AGBL4: variants seen among roughly 807,000 people sequenced by gnomAD.
AGBL4 encodes the protein cytosolic carboxypeptidase 6.
A neutral mutation model predicts 66.4 loss-of-function variants in AGBL4; 58 were observed. The observed-to-expected ratio is 0.87, with a 90% CI of 0.71 to 1.09. The LOEUF is 1.09. Among genes scored for constraint, AGBL4 ranks in the 50% least tolerant of loss-of-function variants. The probability of loss-of-function intolerance (pLI) is 0.00; values close to 1 mark genes in which losing one functional copy is unlikely to be tolerated. For synonymous variants in AGBL4, 234 were observed against 222.9 expected (o/e 1.05, Z -0.44); for missense variants, 579 against 631.0 (o/e 0.92, Z 0.88).
intron 3 of AGBL4, among the ~76,000 whole-genome samples, chr1:49,536,174 A>T (rs1414310518): frequency 6.6e-6 from 1 of 152,232 alleles, no homozygotes; most frequent in Non-Finnish European, 1.5e-5. Flanking sequence ...TTGAAAACAA[A>T]ATACCAACAG....
At chr1:49,336,407 A>G (rs1041343648) in intron 3 of AGBL4, among the ~76,000 whole-genome samples, 2 of 152,236 alleles carry the variant, frequency 1.3e-5, no homozygotes, top group African/African-American at 4.8e-5. Flanking sequence ...TACTAAGTCT[A>G]CGATTCAAAT....
At chr1:49,468,541 C>G (rs1395006467) in intron 3 of AGBL4, among the ~76,000 whole-genome samples, 1 of 151,806 alleles carries the variant, frequency 6.6e-6, no homozygotes, top group East Asian at 1.9e-4. Context: ...GTCAGTCCAG[C>G]TCTTATGGAT....
intron 3 of AGBL4, among the ~76,000 whole-genome samples, chr1:49,349,943 C>G (rs1645715547): frequency 6.6e-6 from 1 of 152,138 alleles, no homozygotes; most frequent in Non-Finnish European, 1.5e-5. Context: ...AGGGAGGAGG[C>G]CTCAGAAAAT....
intron 11 of AGBL4, among the ~76,000 whole-genome samples, chr1:48,564,849 G>T (rs934118413): frequency 3.9e-5 from 6 of 152,154 alleles, no homozygotes; most frequent in Non-Finnish European, 8.8e-5. Context: ...TGGGCCACCA[G>T]TTGATGACTG....
At chr1:48,743,131 G>A (rs1002508578) in intron 6 of AGBL4, among the ~76,000 whole-genome samples, 1 of 152,196 alleles carries the variant, frequency 6.6e-6, no homozygotes, top group Non-Finnish European at 1.5e-5. Flanking sequence ...TATGCAAATC[G>A]TGTATTTGCC....
chr1:49,555,854 G>C (rs924534185), intron 3 of AGBL4, among the ~76,000 whole-genome samples: 15 of 152,184 alleles, frequency 9.9e-5, no homozygotes, highest in African/African-American at 2.4e-4. Flanking sequence ...AGTTAGAATG[G>C]ACATCATTAA....
intron 5 of AGBL4, among the ~76,000 whole-genome samples, chr1:48,916,785 C>T (rs1379610178): frequency 3.9e-5 from 6 of 152,004 alleles, no homozygotes; most frequent in African/African-American, 1.2e-4. Context: ...GGGAAGGGGT[C>T]GTTTTTCTTT....
intron 3 of AGBL4, among the ~76,000 whole-genome samples, chr1:49,445,871 A>C (rs1216975627): frequency 6.6e-6 from 1 of 151,860 alleles, no homozygotes; most frequent in African/African-American, 2.4e-5. Context: ...TATTGTTTTG[A>C]GATAGAGTCT....
chr1:48,881,493 T>C (rs1649777134), intron 5 of AGBL4, among the ~76,000 whole-genome samples: 2 of 152,188 alleles, frequency 1.3e-5, no homozygotes, highest in Admixed American at 1.3e-4. Flanking sequence ...TCACCAACTT[T>C]AGTAGCACTG....
At chr1:49,068,105 C>A (rs1644525611) in intron 4 of AGBL4, among the ~76,000 whole-genome samples, 1 of 152,118 alleles carries the variant, frequency 6.6e-6, no homozygotes, top group African/African-American at 2.4e-5. Flanking sequence ...CGTTTGTAGG[C>A]AGGGCGCTCA....
intron 3 of AGBL4, among the ~76,000 whole-genome samples, chr1:49,540,744 A>G (rs1651946891): frequency 6.6e-6 from 1 of 152,214 alleles, no homozygotes; most frequent in African/African-American, 2.4e-5. Context: ...AATCATAATG[A>G]ATCATTTTAA....
At chr1:49,003,267 A>G (rs3121516) in intron 5 of AGBL4, among the ~76,000 whole-genome samples, 84,833 of 151,770 alleles carry the variant, frequency 0.56, 24,229 homozygotes, top group Non-Finnish European at 0.61. Context: ...GCGTGGTGGC[A>G]CATGCCTGTA....
At position 48,765,962 on chromosome 1, in the gene AGBL4, T is replaced by G. The variant is rs546101025; in HGVS notation, c.634+101229A>C. 2.6e-5 allele frequency among the ~76,000 whole-genome samples: 4 copies of G among 152,314 alleles called. No individual in the cohort carries two copies. The South Asian group carries it at 8.3e-4, about 32-fold the overall frequency. Reference sequence around the variant, plus strand: ...ATGGGTAACACGGATTTATTTTCTTTTTGGGTGATAAAAACGTTCCGGAAT... The same window carrying G: ...ATGGGTAACACGGATTTATTTTCTTGTTGGGTGATAAAAACGTTCCGGAAT... On this transcript the variant is annotated intron_variant, in intron 6 of 13. Coordinates refer to ENST00000371839, the MANE Select transcript of AGBL4 (RefSeq NM_032785.4).
intron 11 of AGBL4, among the ~76,000 whole-genome samples, chr1:48,549,349 C>CCTTCT (rs1644215174): frequency 1.3e-5 from 2 of 152,252 alleles, no homozygotes. Context: ...ACAGGTGAAT[C>CCTTCT]CTTCTCTGAA....
In AGBL4 at chr1:49,059,782, T is replaced by C. The variant is rs942032630; in HGVS notation, c.378-13982A>G. Among the ~76,000 whole-genome samples, 5 of 152,222 alleles carry C rather than the reference T, an allele frequency of 3.3e-5. No individual in the cohort carries two copies. In the South Asian group the frequency reaches 1.0e-3, roughly 32 times the overall value. Reference sequence around the variant, plus strand: ...GACATGGAGTCAAAGGAGATCATTTTGGAACTTTAACATTCAGTGACGACC... The same window carrying C: ...GACATGGAGTCAAAGGAGATCATTTCGGAACTTTAACATTCAGTGACGACC... On this transcript the variant is annotated intron_variant, in intron 4 of 13. Transcript: ENST00000371839.
intron 4 of AGBL4, among the ~76,000 whole-genome samples, chr1:49,103,191 G>A (rs1645234263): frequency 6.6e-6 from 1 of 152,120 alleles, no homozygotes; most frequent in Non-Finnish European, 1.5e-5. Context: ...GAGAATTTGG[G>A]ATTAGAGTCT....
intron 3 of AGBL4, among the ~76,000 whole-genome samples, chr1:49,442,468 AATTTTCTTT>A (rs1338686907): frequency 6.6e-6 from 1 of 152,144 alleles, no homozygotes; most frequent in Non-Finnish European, 1.5e-5. Context: ...CCCTGTGATC[AATTTTCTTT>A]TAGCTTCCAC....
At chr1:48,640,266 C>T (rs1049941509) in intron 8 of AGBL4, among the ~76,000 whole-genome samples, 13 of 152,134 alleles carry the variant, frequency 8.5e-5, no homozygotes, top group African/African-American at 2.9e-4. Context: ...GTTGGAGATA[C>T]TCTTAAGTAT....
intron 2 of AGBL4, among the ~76,000 whole-genome samples, chr1:49,826,655 AAAG>A (rs1179663586): frequency 2.0e-5 from 3 of 152,226 alleles, no homozygotes; most frequent in African/African-American, 7.2e-5. Context: ...CTCATCCATG[AAAG>A]AAGAAGGCTT....
Sources: gnomAD v4.1 joint callset for allele counts (sites outside exome capture counted in the v4.1 genomes callset) on GRCh38, gnomAD v4.1.1 for gene constraint, MANE v1.5 for transcripts, NCBI Gene and HGNC (gene_info 2026-07-23, HGNC 2026-07-21) for gene names.